Variants in LRMDA observed in about 807,000 individuals in gnomAD.
LRMDA encodes the protein leucine-rich melanocyte differentiation-associated protein.
LRMDA carries 18 observed loss-of-function variants against 29.8 expected under a neutral mutation model. That is an observed-to-expected ratio of 0.60 (90% CI 0.42 to 0.90). The LOEUF is 0.90. Among genes scored for constraint, LRMDA ranks in the 40% least tolerant of loss-of-function variants. LRMDA has a pLI of 0.00. For missense variants in LRMDA, 273 were observed against 273.9 expected (o/e 1.00, Z 0.02); for synonymous variants, 125 against 109.4 (o/e 1.14, Z -0.89).
chr10:76,052,042 G>A (rs1848538292), intron 4 of LRMDA, among the ~76,000 whole-genome samples: 2 of 152,172 alleles, frequency 1.3e-5, no homozygotes, highest in South Asian at 2.1e-4. Flanking sequence ...CAACAGTGAG[G>A]AAGCATGATG....
chr10:75,602,902 T>A (rs988346990), intron 2 of LRMDA, among the ~76,000 whole-genome samples: 1 of 152,194 alleles, frequency 6.6e-6, no homozygotes, highest in Admixed American at 6.6e-5. Context: ...ATACTGAGAA[T>A]GAGAAAAGTT....
chr10:75,487,885 G>A (rs1844934151), intron 2 of LRMDA, among the ~76,000 whole-genome samples: 1 of 152,202 alleles, frequency 6.6e-6, no homozygotes, highest in Non-Finnish European at 1.5e-5. Flanking sequence ...TAGAGATGGG[G>A]CATGGGTCAC....
chr10:76,536,539 T>C (rs1259394036), intron 6 of LRMDA, among the ~76,000 whole-genome samples: 1 of 152,156 alleles, frequency 6.6e-6, no homozygotes, highest in Non-Finnish European at 1.5e-5. Flanking sequence ...TTTCCTACTT[T>C]TCATGACATT....
At chr10:76,151,134 A>G (rs1034782038) in intron 5 of LRMDA, among the ~76,000 whole-genome samples, 2 of 152,080 alleles carry the variant, frequency 1.3e-5, no homozygotes, top group African/African-American at 2.4e-5. Context: ...CCTCCAACCT[A>G]TATGTTTACA....
intron 5 of LRMDA, among the ~76,000 whole-genome samples, chr10:76,233,396 G>A (rs1039956807): frequency 1.3e-5 from 2 of 152,162 alleles, no homozygotes; most frequent in African/African-American, 4.8e-5. Flanking sequence ...CTGGTGAAGG[G>A]TATTGTTTCA....
At chr10:75,576,154 C>G (rs1840503434) in intron 2 of LRMDA, among the ~76,000 whole-genome samples, 2 of 152,314 alleles carry the variant, frequency 1.3e-5, no homozygotes, top group South Asian at 4.1e-4. Context: ...CAGTCTGAGC[C>G]TGACCTGGGA....
intron 2 of LRMDA, among the ~76,000 whole-genome samples, chr10:75,601,924 G>A (rs1170319268): frequency 6.6e-6 from 1 of 152,136 alleles, no homozygotes; most frequent in Non-Finnish European, 1.5e-5. Flanking sequence ...TGTAGTGAAA[G>A]TGATGTATAC....
chr10:75,436,471 A>ATT (rs879370739), intron 1 of LRMDA, among the ~76,000 whole-genome samples: 6 of 143,716 alleles, frequency 4.2e-5, no homozygotes, highest in African/African-American at 1.3e-4. Context: ...AAGCTGCTGA[A>ATT]TTTTTTTTTT....
intron 6 of LRMDA, among the ~76,000 whole-genome samples, chr10:76,490,734 A>G (rs1842825759): frequency 6.6e-6 from 1 of 151,622 alleles, no homozygotes; most frequent in African/African-American, 2.4e-5. Context: ...CCATTCAGCC[A>G]CTCTGTGTCC....
intron 2 of LRMDA, among the ~76,000 whole-genome samples, chr10:75,704,661 G>A (rs2132172181): frequency 6.6e-6 from 1 of 152,302 alleles, no homozygotes; most frequent in East Asian, 1.9e-4. Context: ...TTTCTATGAG[G>A]TATTGGGAAG....
intron 2 of LRMDA, among the ~76,000 whole-genome samples, chr10:75,586,664 C>T (rs1196400017): frequency 6.6e-6 from 1 of 151,908 alleles, no homozygotes; most frequent in Non-Finnish European, 1.5e-5. Context: ...TTGATAATAG[C>T]CATCCTGACA....
intron 5 of LRMDA, among the ~76,000 whole-genome samples, chr10:76,120,893 C>T (rs1307752938): frequency 5.4e-5 from 8 of 149,464 alleles, no homozygotes; most frequent in Admixed American, 4.7e-4. Context: ...AGTGCAGTGG[C>T]GTGATCTTGG....
At chr10:75,976,688 T>G (rs1177060031) in intron 2 of LRMDA, among the ~76,000 whole-genome samples, 1 of 152,204 alleles carries the variant, frequency 6.6e-6, no homozygotes, top group Non-Finnish European at 1.5e-5. Context: ...CATTTAGTGT[T>G]TACAATGACC....
chr10:76,370,484 A>C (rs1160941581), intron 6 of LRMDA, among the ~76,000 whole-genome samples: 2 of 151,718 alleles, frequency 1.3e-5, no homozygotes, highest in Non-Finnish European at 2.9e-5. Flanking sequence ...TTTGCAAGTG[A>C]CCCCTTATCC....
chr10:75,820,826 G>T (rs1273649719), intron 2 of LRMDA, among the ~76,000 whole-genome samples: 2 of 152,056 alleles, frequency 1.3e-5, no homozygotes, highest in African/African-American at 2.4e-5. Context: ...AAAGTTAAAG[G>T]TGTCATTACA....
chr10:76,171,551 C>A (rs1314378134), intron 5 of LRMDA, among the ~76,000 whole-genome samples: 1 of 152,116 alleles, frequency 6.6e-6, no homozygotes, highest in Non-Finnish European at 1.5e-5. Flanking sequence ...CATGGCAAGC[C>A]CCTCCACTAC....
At chr10:75,943,291 ACTCATGGAGGAG>A (rs1412733681) in intron 2 of LRMDA, among the ~76,000 whole-genome samples, 1 of 152,114 alleles carries the variant, frequency 6.6e-6, no homozygotes, top group Non-Finnish European at 1.5e-5. Flanking sequence ...CTCCTATGAC[ACTCATGGAGGAG>A]CTTTATAAAC....
chr10:75,665,711 T>A (rs1448623833), intron 2 of LRMDA, among the ~76,000 whole-genome samples: 1 of 152,236 alleles, frequency 6.6e-6, no homozygotes, highest in East Asian at 1.9e-4. Context: ...AATTTGAAAT[T>A]GGTGGAAAAG....
intron 2 of LRMDA, among the ~76,000 whole-genome samples, chr10:76,000,971 C>A (rs1847552877): frequency 6.6e-6 from 1 of 152,124 alleles, no homozygotes; most frequent in African/African-American, 2.4e-5. Flanking sequence ...TCATTCAACA[C>A]CTTGTATGTG....
Sources: gnomAD v4.1 joint callset for allele counts (sites outside exome capture counted in the v4.1 genomes callset) on GRCh38, gnomAD v4.1.1 for gene constraint, MANE v1.5 for transcripts, NCBI Gene and HGNC (gene_info 2026-07-23, HGNC 2026-07-21) for gene names.